HNRNPD: variants seen among roughly 807,000 people sequenced by gnomAD.
HNRNPD encodes the protein heterogeneous nuclear ribonucleoprotein D, also known as heterogeneous nuclear ribonucleoprotein D0.
HNRNPD carries 3 observed loss-of-function variants against 47.9 expected under a neutral mutation model. The observed-to-expected ratio is 0.06, with a 90% confidence interval of 0.03 to 0.16. The LOEUF (loss-of-function observed/expected upper bound fraction) is 0.16. HNRNPD is among the 10% of genes least tolerant of loss of function. The pLI is 1.00. For missense variants in HNRNPD, 287 were observed against 454.2 expected, an observed-to-expected ratio of 0.63 and a Z score of 3.35; for synonymous variants, 171 against 165.1, an observed-to-expected ratio of 1.04 and a Z score of -0.28.
intron 1 of HNRNPD, 66 bp downstream of exon 1, chr4:82,373,380 G>T (rs1171431502): frequency 1.3e-6 from 2 of 1,519,330 alleles, no homozygotes; most frequent in African/African-American, 2.8e-5. Context: ...AGGCCTAATG[G>T]CGGGGGAATA....
chr4:82,370,455 T>C (rs1350758757), intron 2 of HNRNPD, among the ~76,000 whole-genome samples: 3 of 152,172 alleles, frequency 2.0e-5, no homozygotes, highest in African/African-American at 4.8e-5. Flanking sequence ...TAGCTAGCAG[T>C]GAAATTGAGC....
chr4:82,372,033 A>G (rs544513946), intron 1 of HNRNPD, among the ~76,000 whole-genome samples: 25 of 152,010 alleles, frequency 1.6e-4, no homozygotes, highest in African/African-American at 5.8e-4. Flanking sequence ...TCCCCTCCCA[A>G]CTTTCCCTCC....
In HNRNPD at chr4:82,373,720, C is replaced by T. The variant is rs1318628795; in HGVS notation, c.-42G>A. The T allele has an allele frequency of 6.5e-7, 1 of 1,530,406 alleles. No homozygotes were observed. The highest frequency in any genetic ancestry group is 8.7e-7 in the Non-Finnish European group (1 of 1,145,214). The allele number at this position is 1,530,406 out of a possible 1,614,324, so 94.8% of individuals were successfully genotyped here. On this transcript the variant is annotated 5_prime_UTR_variant, in exon 1 of 9. Coordinates refer to ENST00000313899, the MANE Select transcript of HNRNPD (RefSeq NM_031370.3). The stretch of plus-strand genomic sequence containing the variant: ...CCGCTGCCGCCGAGACTACACCCGC[C>T]GCTGCCGCGAACCGAAACTAGCAGC...
chr4:82,356,194 T>A (rs764967383), intron 7 of HNRNPD: 1 of 192,494 alleles, frequency 5.2e-6, no homozygotes, highest in Non-Finnish European at 1.1e-5. Flanking sequence ...TTCAGTTTTA[T>A]AGGATTAAGA....
chr4:82,362,164 T>G (rs1382698013), intron 2 of HNRNPD, among the ~76,000 whole-genome samples: 1 of 152,266 alleles, frequency 6.6e-6, no homozygotes, highest in African/African-American at 2.4e-5. Flanking sequence ...ATCACTATTA[T>G]GCTGATTTAG....
At chr4:82,369,152 T>C (rs1049451319) in intron 2 of HNRNPD, among the ~76,000 whole-genome samples, 8 of 152,240 alleles carry the variant, frequency 5.3e-5, no homozygotes, top group African/African-American at 1.7e-4. Flanking sequence ...GCTTGCTACA[T>C]GGCATGTATA....
chr4:82,356,878 G>A lies in HNRNPD; in HGVS notation c.771C>T (p.Ala257=), dbSNP rs766358543. The change falls in exon 6 of 9, where the codon GCC becomes GCT. Residue 257 remains alanine (A), a synonymous_variant. Transcript: ENST00000313899. ...GTTGCTGATATTGTTCCTTCGACAT[G>A]GCTACTTTTATTTCACACTAAAAGA... The part of the protein sequence containing the change: ...VGLSKCEIKV[A]MSKEQYQQQQ... 1.9e-6 allele frequency: 3 copies of A among 1,613,584 alleles called. No individual in the cohort carries two copies. Among genetic ancestry groups the A allele is most frequent in the Admixed American group, 3.3e-5 (2 of 60,012 alleles).
In HNRNPD at chr4:82,373,923, C is replaced by G; in HGVS notation, c.-245G>C. On this transcript the variant is annotated 5_prime_UTR_variant, in exon 1 of 9. Transcript: ENST00000313899. ...CCGCTGCACTAAAAAAGAATAAGCA[C>G]CAGCGGCGGCCGCTCTCGCCTCCTC... The G allele has an allele frequency of 2.2e-6, 2 of 926,822 alleles. No homozygotes were observed. The highest frequency in any genetic ancestry group is 3.0e-6 in the Non-Finnish European group (2 of 663,060). The allele number at this position is 926,822 out of a possible 1,614,324, so 57.4% of individuals were successfully genotyped here. A position where few individuals can be genotyped will look rare whatever the true frequency, so the allele number is the denominator to read the frequency against.
intron 2 of HNRNPD, among the ~76,000 whole-genome samples, chr4:82,363,082 ATTT>A (rs965132136): frequency 3.4e-5 from 5 of 148,296 alleles, no homozygotes; most frequent in African/African-American, 1.2e-4. Flanking sequence ...ACAAATACTT[ATTT>A]TTTTCTTTTT....
intron 2 of HNRNPD, among the ~76,000 whole-genome samples, chr4:82,368,098 G>A (rs965827749): frequency 1.7e-4 from 26 of 152,136 alleles, no homozygotes; most frequent in Middle Eastern, 3.2e-3. Context: ...TCACCCATTT[G>A]TAAATGTGCA....
intron 1 of HNRNPD, among the ~76,000 whole-genome samples, chr4:82,372,278 C>G (rs970393154): frequency 2.0e-5 from 3 of 152,062 alleles, no homozygotes; most frequent in African/African-American, 4.8e-5. Flanking sequence ...TGCTAACTCC[C>G]GTATTATGTT....
intron 2 of HNRNPD, among the ~76,000 whole-genome samples, chr4:82,370,386 CA>C (rs1208280327): frequency 6.6e-6 from 1 of 152,128 alleles, no homozygotes; most frequent in Non-Finnish European, 1.5e-5. Context: ...ACATGAGACT[CA>C]AAATACATAA....
At chr4:82,354,221 T>C (rs187503345) in intron 8 of HNRNPD, 67 bp from the exon 9 acceptor site, 1 of 152,392 alleles carries the variant, frequency 6.6e-6, no homozygotes, top group East Asian at 1.9e-4. Context: ...AAAATTTACA[T>C]AAAACTGAGT....
chr4:82,362,053 C>T (rs1374217558), intron 2 of HNRNPD, among the ~76,000 whole-genome samples: 1 of 152,162 alleles, frequency 6.6e-6, no homozygotes, highest in Non-Finnish European at 1.5e-5. Context: ...TGTTTTTAAC[C>T]TTCAATCATT....
At chr4:82,363,050 A>G (rs3972761) in intron 2 of HNRNPD, among the ~76,000 whole-genome samples, 30,487 of 131,968 alleles carry the variant, frequency 0.23, 3,284 homozygotes, top group African/African-American at 0.26. Context: ...GTGTGTGTGT[A>G]TATATATATA....
intron 7 of HNRNPD, 158 bp downstream of exon 7, chr4:82,356,379 G>A: frequency 1.6e-6 from 1 of 610,822 alleles, no homozygotes; most frequent in Non-Finnish European, 2.9e-6. Context: ...TATAGGCTGG[G>A]AGGAACCAAG....
intron 2 of HNRNPD, among the ~76,000 whole-genome samples, chr4:82,366,273 T>C (rs991297311): frequency 6.6e-6 from 1 of 152,160 alleles, no homozygotes; most frequent in Non-Finnish European, 1.5e-5. Context: ...GGACAGAGTC[T>C]CGCTTTGTCG....
intron 2 of HNRNPD, among the ~76,000 whole-genome samples, chr4:82,369,425 C>T (rs1320312796): frequency 6.6e-6 from 1 of 152,170 alleles, no homozygotes; most frequent in East Asian, 1.9e-4. Context: ...CTAAAAATAG[C>T]TGTCCATTCT....
intron 2 of HNRNPD, among the ~76,000 whole-genome samples, chr4:82,362,837 T>G (rs1393905857): frequency 6.6e-6 from 1 of 151,898 alleles, no homozygotes; most frequent in Non-Finnish European, 1.5e-5. Flanking sequence ...TGGCCTCAAG[T>G]GATCCGCCCG....
Sources: allele counts gnomAD v4.1 joint callset (sites outside exome capture counted in the v4.1 genomes callset), GRCh38; gene constraint gnomAD v4.1.1; transcripts MANE v1.5; gene names NCBI Gene and HGNC (gene_info 2026-07-23, HGNC 2026-07-21).